PLPPR5: variants seen among roughly 807,000 people sequenced by gnomAD.
PLPPR5 encodes phospholipid phosphatase related 5, also known as phospholipid phosphatase-related protein type 5.
In PLPPR5, 16 loss-of-function variants were observed where a neutral mutation model predicts 33.9. The ratio of observed to expected loss-of-function variants is 0.47; its 90% CI spans 0.32 to 0.72. PLPPR5 has a LOEUF of 0.72. Among genes scored for constraint, PLPPR5 ranks in the 30% least tolerant of loss-of-function variants. The pLI, the probability that PLPPR5 is intolerant of heterozygous loss-of-function variation, is 0.03. For synonymous variants in PLPPR5, 163 were observed against 150.3 expected, an observed-to-expected ratio of 1.08 and a Z score of -0.62; for missense variants, 301 against 406.7, an observed-to-expected ratio of 0.74 and a Z score of 2.23.
At chr1:98,940,389 A>G (rs1650328417) in intron 3 of PLPPR5, among the ~76,000 whole-genome samples, 1 of 151,902 alleles carries the variant, frequency 6.6e-6, no homozygotes, top group Non-Finnish European at 1.5e-5. Flanking sequence ...AACCCTAATC[A>G]GTTCCCAAAG....
At chr1:98,952,150 C>T (rs913449067) in intron 3 of PLPPR5, among the ~76,000 whole-genome samples, 1 of 151,882 alleles carries the variant, frequency 6.6e-6, no homozygotes, top group Non-Finnish European at 1.5e-5. Context: ...GTAGTCCCAG[C>T]TACTCGGAAG....
At chr1:99,001,197 T>C (rs1652827965) in intron 1 of PLPPR5, among the ~76,000 whole-genome samples, 1 of 150,530 alleles carries the variant, frequency 6.6e-6, no homozygotes, top group Non-Finnish European at 1.5e-5. Flanking sequence ...TGCAGTGGCA[T>C]GATCTCTGCT....
In PLPPR5 at chr1:98,890,550, A is replaced by G. The variant is rs769565567; in HGVS notation, c.*2522T>C. ...CTACCGAAATTTTCAAGTTGACTAA[A>G]TTATACTGACCTGGGCCCCAAGTAA... On this transcript the variant is annotated 3_prime_UTR_variant, in exon 6 of 6. Coordinates refer to ENST00000263177, the MANE Select transcript of PLPPR5 (RefSeq NM_001037317.2). 2 of 152,582 alleles carry G rather than the reference A, an allele frequency of 1.3e-5. No individual in the cohort carries two copies. Among genetic ancestry groups the G allele is most frequent in the Admixed American group, 6.6e-5 (1 of 15,262 alleles). The allele number at this position is 152,582 out of a possible 1,614,324, so 9.5% of individuals were successfully genotyped here.
intron 3 of PLPPR5, among the ~76,000 whole-genome samples, chr1:98,941,859 T>A (rs1289567647): frequency 6.7e-6 from 1 of 148,362 alleles, no homozygotes; most frequent in Admixed American, 6.9e-5. Context: ...CAAAGCAGAC[T>A]GTGCTTATAA....
At chr1:98,931,929 G>T (rs185497600) in intron 3 of PLPPR5, among the ~76,000 whole-genome samples, 1 of 152,302 alleles carries the variant, frequency 6.6e-6, no homozygotes, top group East Asian at 1.9e-4. Flanking sequence ...CATAGCTGCA[G>T]TTATGAACAG....
rs113998280 is a variant in PLPPR5, at chr1:98,948,905, A to G, written c.621+4165T>C. ...CTAGGGTGGTTTATAATGCAGCAAC[A>G]CGTAGCGGAAACAGAGGCCAATAAA... On this transcript the variant is annotated intron_variant, in intron 3 of 5. Coordinates refer to ENST00000263177, the MANE Select transcript of PLPPR5 (RefSeq NM_001037317.2). Among the ~76,000 whole-genome samples, 953 of 152,296 alleles carry G rather than the reference A, an allele frequency of 6.3e-3. 11 individuals carry two copies. Among genetic ancestry groups the G allele is most frequent in the African/African-American group, 0.022 (916 of 41,554 alleles).
intron 5 of PLPPR5, among the ~76,000 whole-genome samples, chr1:98,914,184 G>A (rs1211065460): frequency 1.3e-5 from 2 of 152,144 alleles, no homozygotes; most frequent in Non-Finnish European, 2.9e-5. Flanking sequence ...TTTTTCCTAT[G>A]TGTGAGACCA....
intron 3 of PLPPR5, among the ~76,000 whole-genome samples, chr1:98,950,149 G>T (rs1570725672): frequency 6.6e-6 from 1 of 151,966 alleles, no homozygotes; most frequent in Admixed American, 6.6e-5. Context: ...AAAATTTGTG[G>T]TTCTATGGAT....
upstream of PLPPR5, among the ~76,000 whole-genome samples, chr1:99,005,468 T>A (rs911639217): frequency 3.3e-5 from 5 of 152,136 alleles, no homozygotes; most frequent in Non-Finnish European, 7.4e-5. Flanking sequence ...TCCTAGGGCT[T>A]TGTGTATATA....
intron 5 of PLPPR5, 119 bp from the exon 6 acceptor site, chr1:98,893,223 TC>T: frequency 1.2e-6 from 1 of 835,762 alleles, no homozygotes; most frequent in Non-Finnish European, 1.8e-6. Flanking sequence ...TTGCAAAACA[TC>T]CAGCATTATT....
At chr1:98,911,492 A>G (rs1387387203) in intron 5 of PLPPR5, among the ~76,000 whole-genome samples, 1 of 152,218 alleles carries the variant, frequency 6.6e-6, no homozygotes, top group Non-Finnish European at 1.5e-5. Context: ...AAAGCTCACT[A>G]TAAATAAAAA....
chr1:98,968,736 A>T (rs547466051), intron 1 of PLPPR5, among the ~76,000 whole-genome samples: 128 of 152,118 alleles, frequency 8.4e-4, no homozygotes, highest in African/African-American at 2.1e-3. Context: ...AAAAAAATTT[A>T]AAAAATGTAA....
At chr1:98,923,907 T>G (rs1367438071) in intron 3 of PLPPR5, among the ~76,000 whole-genome samples, 1 of 152,234 alleles carries the variant, frequency 6.6e-6, no homozygotes, top group East Asian at 1.9e-4. Context: ...GTTTCAGTGA[T>G]GCAGCTAATT....
chr1:98,900,213 A>G (rs1014871600), intron 5 of PLPPR5, among the ~76,000 whole-genome samples: 1 of 152,098 alleles, frequency 6.6e-6, no homozygotes, highest in Non-Finnish European at 1.5e-5. Context: ...TGATCATAAG[A>G]TCAATCTTTA....
chr1:98,915,924 T>TAAAG (rs889500640), intron 4 of PLPPR5, among the ~76,000 whole-genome samples: 37 of 152,322 alleles, frequency 2.4e-4, no homozygotes, highest in African/African-American at 8.4e-4. Context: ...GTATTCTTGG[T>TAAAG]AAAGGTATTC....
intron 1 of PLPPR5, among the ~76,000 whole-genome samples, chr1:98,958,339 A>G (rs1427557231): frequency 2.0e-5 from 3 of 152,218 alleles, no homozygotes. Context: ...CAGTGTGAAT[A>G]AAAGATTATG....
Position 98,914,924 on chromosome 1 carries a change from A to C in PLPPR5, c.799-4T>G, listed in dbSNP as rs1380425156. On this transcript the variant is annotated splice_region_variant and splice_polypyrimidine_tract_variant and intron_variant, in intron 4 of 5. Transcript: ENST00000263177. ...AATTATTCACCACGCACACAACCTA[A>C]AATTTCAGAAGACAATTACAGTTAA... is the stretch of plus-strand genomic sequence containing the variant. The C allele has an allele frequency of 6.2e-7, 1 of 1,608,528 alleles. No individual in the cohort carries two copies. Among genetic ancestry groups the C allele is most frequent in the African/African-American group, 1.3e-5 (1 of 74,756 alleles).
At chr1:98,915,889 A>G (rs1465210297) in intron 4 of PLPPR5, among the ~76,000 whole-genome samples, 1 of 152,184 alleles carries the variant, frequency 6.6e-6, no homozygotes, top group Non-Finnish European at 1.5e-5. Context: ...ATTATTTGCT[A>G]CTGTTTGCTT....
intron 5 of PLPPR5, among the ~76,000 whole-genome samples, chr1:98,898,211 T>C (rs534000239): frequency 2.6e-5 from 4 of 152,128 alleles, no homozygotes; most frequent in East Asian, 1.9e-4. Context: ...CAATTGTTGC[T>C]CCAGATGCTG....
Sources: allele counts gnomAD v4.1 joint callset (sites outside exome capture counted in the v4.1 genomes callset), GRCh38; gene constraint gnomAD v4.1.1; transcripts MANE v1.5; gene names NCBI Gene and HGNC (gene_info 2026-07-23, HGNC 2026-07-21).